RAD51B: variants seen among roughly 807,000 people sequenced by gnomAD.
RAD51B encodes the protein DNA repair protein RAD51 homolog 2.
Under a neutral mutation model 42.2 loss-of-function variants are expected in RAD51B, and 38 were observed. The ratio of observed to expected loss-of-function variants is 0.90; its 90% CI spans 0.70 to 1.18. RAD51B has a LOEUF of 1.18. RAD51B is among the 50% of genes most tolerant of loss of function. The pLI, the probability that RAD51B is intolerant of heterozygous loss-of-function variation, is 0.00. For synonymous variants in RAD51B, 154 were observed against 145.2 expected (o/e 1.06, Z -0.43); for missense variants, 373 against 400.7 (o/e 0.93, Z 0.59).
intron 9 of RAD51B, among the ~76,000 whole-genome samples, chr14:68,422,425 G>A (rs895610112): frequency 2.0e-5 from 3 of 152,036 alleles, no homozygotes; most frequent in African/African-American, 7.3e-5. Flanking sequence ...GCCAAGTATG[G>A]TGGCAGACAC....
chr14:68,292,510 G>C (rs1213084706), intron 8 of RAD51B, among the ~76,000 whole-genome samples: 1 of 152,192 alleles, frequency 6.6e-6, no homozygotes, highest in African/African-American at 2.4e-5. Context: ...ATGGCAATAA[G>C]CTTTACGTAG....
chr14:68,021,745 C>A (rs1006060805), intron 7 of RAD51B, among the ~76,000 whole-genome samples: 1 of 152,136 alleles, frequency 6.6e-6, no homozygotes, highest in African/African-American at 2.4e-5. Context: ...TTTCCTAATG[C>A]ATATAAAACT....
At chr14:68,066,422 T>C (rs970132796) in intron 7 of RAD51B, among the ~76,000 whole-genome samples, 1 of 152,210 alleles carries the variant, frequency 6.6e-6, no homozygotes, top group Admixed American at 6.5e-5. Flanking sequence ...AGCTAATGCA[T>C]CCTATTTTTA....
At chr14:68,595,318 T>C in exon 11 of RAD51B, 1 of 1,066,402 alleles carries the variant, frequency 9.4e-7, no homozygotes, top group Non-Finnish European at 1.1e-6. Flanking sequence ...TACAATAAGC[T>C]TGCCTGCCTT....
chr14:67,961,801 G>A (rs2074673748), intron 7 of RAD51B, among the ~76,000 whole-genome samples: 1 of 152,072 alleles, frequency 6.6e-6, no homozygotes, highest in African/African-American at 2.4e-5. Flanking sequence ...CAACATCAGT[G>A]TGTAAACATA....
chr14:68,671,680 T>G (rs1179478971), intron 11 of RAD51B, among the ~76,000 whole-genome samples: 5 of 152,184 alleles, frequency 3.3e-5, no homozygotes, highest in Non-Finnish European at 5.9e-5. Context: ...TTGTATGTTC[T>G]GTTTCAGATA....
intron 8 of RAD51B, among the ~76,000 whole-genome samples, chr14:68,385,211 G>A (rs912083491): frequency 1.3e-5 from 2 of 152,042 alleles, no homozygotes; most frequent in Non-Finnish European, 2.9e-5. Context: ...TCTCTGCATC[G>A]ACAGCATGCC....
intron 8 of RAD51B, among the ~76,000 whole-genome samples, chr14:68,305,784 C>A (rs1474387984): frequency 1.3e-5 from 2 of 152,198 alleles, no homozygotes; most frequent in African/African-American, 4.8e-5. Flanking sequence ...TTGAGTTAGA[C>A]CCACTTACAA....
intron 9 of RAD51B, among the ~76,000 whole-genome samples, chr14:68,451,704 A>G (rs2085561397): frequency 6.6e-6 from 1 of 152,244 alleles, no homozygotes; most frequent in African/African-American, 2.4e-5. Context: ...TGCTCTGAAG[A>G]AAGAGCATGT....
rs565800524 is a variant in RAD51B at position 68,679,563 on chromosome 14, G to A, written c.*11+28707G>A. On this transcript the variant is annotated intron_variant, in intron 11 of 11. Transcript: ENST00000488612. Reference sequence around the variant, plus strand: ...TGGTGATCACATGAACTGGTGTCTAGGAAAGGCCACAGAACTTTCAGGTAC... The same window carrying A: ...TGGTGATCACATGAACTGGTGTCTAAGAAAGGCCACAGAACTTTCAGGTAC... Among the ~76,000 whole-genome samples the A allele has an allele frequency of 8.5e-5, 13 of 152,318 alleles. 1 individual carries two copies. The South Asian group carries it at 2.3e-3, about 27-fold the overall frequency.
chr14:67,911,218 A>G (rs763630828), intron 7 of RAD51B, among the ~76,000 whole-genome samples: 8 of 152,134 alleles, frequency 5.3e-5, no homozygotes, highest in Non-Finnish European at 7.4e-5. Context: ...ATGTGTTAAT[A>G]TATGTATTTT....
chr14:68,224,197 G>A (rs1450199205), intron 7 of RAD51B, among the ~76,000 whole-genome samples: 1 of 152,202 alleles, frequency 6.6e-6, no homozygotes, highest in Non-Finnish European at 1.5e-5. Flanking sequence ...CCTGCATGAA[G>A]CCTGTTTTGT....
At chr14:68,301,842 C>A (rs989448374) in intron 8 of RAD51B, among the ~76,000 whole-genome samples, 1 of 152,178 alleles carries the variant, frequency 6.6e-6, no homozygotes, top group Admixed American at 6.5e-5. Flanking sequence ...AGTGATCCAC[C>A]TGCCTTGGCC....
intron 11 of RAD51B, among the ~76,000 whole-genome samples, chr14:68,651,164 A>G (rs1892690771): frequency 6.6e-6 from 1 of 152,142 alleles, no homozygotes; most frequent in African/African-American, 2.4e-5. Context: ...AAATGTTTAC[A>G]TGTGATGTTT....
chr14:68,401,907 A>G (rs1286519006), intron 8 of RAD51B, among the ~76,000 whole-genome samples: 1 of 152,232 alleles, frequency 6.6e-6, no homozygotes, highest in African/African-American at 2.4e-5. Context: ...CTTACTTAAT[A>G]GATAGCGTGT....
chr14:67,891,862 A>G (rs1366917614), intron 7 of RAD51B, among the ~76,000 whole-genome samples: 2 of 152,156 alleles, frequency 1.3e-5, no homozygotes, highest in African/African-American at 2.4e-5. Flanking sequence ...AAAAGAATGT[A>G]TGTACCCAAA....
intron 10 of RAD51B, among the ~76,000 whole-genome samples, chr14:68,549,917 A>G (rs1888445099): frequency 1.3e-5 from 2 of 152,188 alleles, no homozygotes; most frequent in Admixed American, 6.5e-5. Context: ...CCGTTGTCTA[A>G]TAATTCTTCA....
At chr14:68,253,828 T>A (rs2080693596) in intron 7 of RAD51B, among the ~76,000 whole-genome samples, 1 of 152,214 alleles carries the variant, frequency 6.6e-6, no homozygotes. Flanking sequence ...AAACTCAGGG[T>A]TGTGGACAGT....
chr14:67,934,231 T>C (rs2044850125), intron 7 of RAD51B, among the ~76,000 whole-genome samples: 1 of 152,144 alleles, frequency 6.6e-6, no homozygotes, highest in South Asian at 2.1e-4. Context: ...AGGATCCTTG[T>C]GGCCTACTTA....
Sources: allele counts gnomAD v4.1 joint callset (sites outside exome capture counted in the v4.1 genomes callset), GRCh38; gene constraint gnomAD v4.1.1; transcripts MANE v1.5; gene names NCBI Gene and HGNC (gene_info 2026-07-23, HGNC 2026-07-21).